Variants in LIPH observed in about 807,000 individuals in gnomAD.
The protein encoded by LIPH is lipase H, also known as lipase member H.
A neutral mutation model predicts 47.6 loss-of-function variants in LIPH; 32 were observed. The observed-to-expected ratio is 0.67, with a 90% CI of 0.51 to 0.90. LIPH has a LOEUF of 0.90. Ranked by LOEUF, LIPH falls within the 40% of genes least tolerant of loss-of-function variation. The pLI, the probability that LIPH is intolerant of heterozygous loss-of-function variation, is 0.00. For missense variants in LIPH, 497 were observed against 541.4 expected, an observed-to-expected ratio of 0.92 and a Z score of 0.81; for synonymous variants, 190 against 195.6, an observed-to-expected ratio of 0.97 and a Z score of 0.24.
At chr3:185,532,577 G>A (rs138721416) in intron 3 of LIPH, among the ~76,000 whole-genome samples, 2,250 of 151,614 alleles carry the variant, frequency 0.015, 65 homozygotes, top group African/African-American at 0.051. Context: ...ATCACCTGAG[G>A]TCAGGAGTTC....
At chr3:185,523,985 G>A (rs1320901184) in intron 5 of LIPH, 86 bp downstream of exon 5, 1 of 918,060 alleles carries the variant, frequency 1.1e-6, no homozygotes, top group Non-Finnish European at 1.8e-6. Flanking sequence ...GCCTCCCAAA[G>A]TGCTGGGATT....
At chr3:185,517,842 T>A (rs1276747328) in intron 6 of LIPH, among the ~76,000 whole-genome samples, 1 of 151,982 alleles carries the variant, frequency 6.6e-6, no homozygotes, top group Non-Finnish European at 1.5e-5. Context: ...TTTTTCCTTT[T>A]GGAAAAAAAA....
At chr3:185,509,328 A>T (rs1719481461) in intron 9 of LIPH, among the ~76,000 whole-genome samples, 1 of 151,222 alleles carries the variant, frequency 6.6e-6, no homozygotes, top group Non-Finnish European at 1.5e-5. Flanking sequence ...TAAAACACCA[A>T]GGAGAAAGCA....
intron 1 of LIPH, among the ~76,000 whole-genome samples, chr3:185,541,762 ATT>A (rs61705569): frequency 2.9e-5 from 4 of 140,262 alleles, no homozygotes; most frequent in Admixed American, 1.4e-4. Flanking sequence ...ATTTATTATT[ATT>A]TTTTTTTTTA....
At position 185,525,858 on chromosome 3, in the gene LIPH, G is replaced by A. The variant is rs756256435; in HGVS notation, c.628+1626C>T. Among the ~76,000 whole-genome samples, 140 of 152,186 alleles carry A rather than the reference G, an allele frequency of 9.2e-4. 1 individual carries two copies. The highest frequency in any genetic ancestry group is 1.6e-4 in the Non-Finnish European group (11 of 68,032). On this transcript the variant is annotated intron_variant, in intron 4 of 9. Coordinates refer to ENST00000296252, the MANE Select transcript of LIPH (RefSeq NM_139248.3). ...ACAATTTCTTTCAAGGCAAATAATTGTTGGACACCACACCAGAATGCCGAT... is the reference window on the plus strand; with the variant it reads ...ACAATTTCTTTCAAGGCAAATAATTATTGGACACCACACCAGAATGCCGAT...
At chr3:185,540,114 G>T (rs1177691454) in intron 1 of LIPH, among the ~76,000 whole-genome samples, 2 of 152,144 alleles carry the variant, frequency 1.3e-5, no homozygotes, top group African/African-American at 2.4e-5. Context: ...CTGCATGATG[G>T]TGTGAAGCCT....
At chr3:185,509,597 T>TG (rs1161434222) in intron 9 of LIPH, among the ~76,000 whole-genome samples, 108 of 151,968 alleles carry the variant, frequency 7.1e-4, no homozygotes, top group African/African-American at 2.5e-3. Flanking sequence ...GCTACTACTG[T>TG]ACTCCAGCCT....
rs1337648071 is a variant in LIPH at position 185,519,221 on chromosome 3, G to A, written c.807C>T (p.Pro269=). 1.2e-6 allele frequency: 2 copies of A among 1,612,730 alleles called. No homozygotes were observed. The highest frequency in any genetic ancestry group is 3.3e-5 in the Admixed American group (2 of 60,016). Residue 269 remains proline, a synonymous_variant, in exon 6 of 10, where the codon CCC becomes CCT. Transcript: ENST00000296252. ...TCCTATAATCCTGGTAGGAGTCACA[G>A]GGATACGCAGTGATGGTGCAGCTCT... ...LRESCTITAY[P]CDSYQDYRNG...
At chr3:185,540,146 C>A (rs891000132) in intron 1 of LIPH, among the ~76,000 whole-genome samples, 12 of 152,188 alleles carry the variant, frequency 7.9e-5, no homozygotes, top group African/African-American at 2.9e-4. Flanking sequence ...TTCCCACTCC[C>A]TCCTCCTTTA....
At chr3:185,526,293 G>T (rs1720069095) in intron 4 of LIPH, among the ~76,000 whole-genome samples, 1 of 152,108 alleles carries the variant, frequency 6.6e-6, no homozygotes, top group African/African-American at 2.4e-5. Context: ...GGCAAAGGCG[G>T]GTGGATCACC....
At chr3:185,540,667 G>A (rs573191108) in intron 1 of LIPH, among the ~76,000 whole-genome samples, 9 of 147,446 alleles carry the variant, frequency 6.1e-5, no homozygotes, top group African/African-American at 7.6e-5. Flanking sequence ...GCAGTGAGCC[G>A]AGATCTCACC....
Position 185,534,869 on chromosome 3 carries a change from C to T in LIPH, c.313G>A (p.Val105Ile). 1 of 1,614,202 alleles carries T rather than the reference C, an allele frequency of 6.2e-7. No individual in the cohort carries two copies. Among genetic ancestry groups the T allele is most frequent in the Non-Finnish European group, 8.5e-7 (1 of 1,180,018 alleles). Residue 105 changes from valine (V) to isoleucine (I), a missense_variant, in exon 2 of 10, where the codon GTT becomes ATT. Val to Ile is a conservative substitution (Grantham distance 29). Transcript: ENST00000296252. ...GTAGCTCCTCGATTCCAATCAACAACAACTACGTTCATGTCTTCAACAGAG... is the reference window on the plus strand; with the variant it reads ...GTAGCTCCTCGATTCCAATCAACAATAACTACGTTCATGTCTTCAACAGAG... ...LLSVEDMNVV[V>I]VDWNRGATTL...
rs371035419 is a variant in LIPH, at chr3:185,517,695, T to G, written c.887-533A>C. ...CTCCTCTGTCCCTAGCCCTAGAGAA[T>G]GGCCTTCACATTCTGCCTTAATTGA... is the stretch of plus-strand genomic sequence containing the variant. On this transcript the variant is annotated intron_variant, in intron 6 of 9. Transcript: ENST00000296252. 1.4e-4 allele frequency among the ~76,000 whole-genome samples: 21 copies of G among 152,258 alleles called. 1 individual carries two copies. In the South Asian group the frequency reaches 4.2e-3, roughly 30 times the overall value.
At chr3:185,514,198 G>A (rs955789793) in intron 8 of LIPH, among the ~76,000 whole-genome samples, 1 of 151,738 alleles carries the variant, frequency 6.6e-6, no homozygotes, top group Non-Finnish European at 1.5e-5. Flanking sequence ...AAGAGAAGGA[G>A]GGAAGGAAAG....
intron 4 of LIPH, among the ~76,000 whole-genome samples, chr3:185,526,637 TAAATA>T (rs1035456784): frequency 1.2e-4 from 16 of 138,928 alleles, no homozygotes; most frequent in African/African-American, 4.1e-4. Flanking sequence ...AAATATAAAA[TAAATA>T]AAATAAAATA....
chr3:185,522,080 T>C (rs1719911207), intron 5 of LIPH, among the ~76,000 whole-genome samples: 1 of 152,138 alleles, frequency 6.6e-6, no homozygotes, highest in Admixed American at 6.6e-5. Context: ...CCCTGTTGAC[T>C]TCAGTAAGGA....
chr3:185,518,361 C>G (rs1719797316), intron 6 of LIPH, among the ~76,000 whole-genome samples: 1 of 152,040 alleles, frequency 6.6e-6, no homozygotes, highest in Non-Finnish European at 1.5e-5. Flanking sequence ...CTCACTGTAT[C>G]CTCCGTCTCC....
At chr3:185,550,757 T>C (rs78818245) in intron 1 of LIPH, among the ~76,000 whole-genome samples, 7,279 of 152,108 alleles carry the variant, frequency 0.048, 287 homozygotes, top group East Asian at 0.24. Context: ...TCAGTAGAGA[T>C]GGGGTTCACC....
chr3:185,544,312 C>T (rs1206037341), intron 1 of LIPH, among the ~76,000 whole-genome samples: 3 of 151,538 alleles, frequency 2.0e-5, no homozygotes, highest in African/African-American at 7.3e-5. Flanking sequence ...GAATTCTACC[C>T]TGGAGAATGG....
Sources: gnomAD v4.1 joint callset for allele counts (sites outside exome capture counted in the v4.1 genomes callset) on GRCh38, gnomAD v4.1.1 for gene constraint, MANE v1.5 for transcripts, NCBI Gene and HGNC (gene_info 2026-07-23, HGNC 2026-07-21) for gene names.